Variants in CTNNA3 observed in about 807,000 individuals in gnomAD.
The protein encoded by CTNNA3 is catenin alpha 3.
In CTNNA3, 76 loss-of-function variants were observed where a neutral mutation model predicts 95.7. The observed-to-expected ratio is 0.79, with a 90% CI of 0.66 to 0.96. The LOEUF is 0.96. Among genes scored for constraint, CTNNA3 ranks in the 40% least tolerant of loss-of-function variants. CTNNA3 has a pLI of 0.00. For synonymous variants in CTNNA3, 431 were observed against 374.4 expected (o/e 1.15, Z -1.74); for missense variants, 1,191 against 1,089.8 (o/e 1.09, Z -1.31).
intron 7 of CTNNA3, among the ~76,000 whole-genome samples, chr10:66,877,813 A>G (rs1472797354): frequency 6.6e-6 from 1 of 152,152 alleles, no homozygotes; most frequent in East Asian, 1.9e-4. Context: ...ATGCAAGAAA[A>G]TGGATTCTAT....
chr10:67,173,126 C>T (rs567443017), intron 7 of CTNNA3, among the ~76,000 whole-genome samples: 13 of 152,124 alleles, frequency 8.5e-5, no homozygotes, highest in Admixed American at 2.0e-4. Flanking sequence ...TTTCATTGTT[C>T]AAGGGCTATA....
chr10:67,688,916 T>C (rs1840788186), intron 1 of CTNNA3, among the ~76,000 whole-genome samples: 1 of 152,124 alleles, frequency 6.6e-6, no homozygotes, highest in Non-Finnish European at 1.5e-5. Flanking sequence ...TCAGAAACAC[T>C]AGTTTTCCTC....
At chr10:66,389,027 A>C (rs2092915153) in intron 11 of CTNNA3, among the ~76,000 whole-genome samples, 1 of 152,174 alleles carries the variant, frequency 6.6e-6, no homozygotes, top group Non-Finnish European at 1.5e-5. Flanking sequence ...TAAGTGGCTA[A>C]AAGAACTTCA....
chr10:66,770,008 G>A (rs1840024858), intron 8 of CTNNA3, among the ~76,000 whole-genome samples: 2 of 152,130 alleles, frequency 1.3e-5, no homozygotes, highest in South Asian at 4.1e-4. Flanking sequence ...GTTTGATCAT[G>A]CACCAAGTAA....
At chr10:66,217,164 G>C (rs181970198) in intron 13 of CTNNA3, among the ~76,000 whole-genome samples, 121 of 152,164 alleles carry the variant, frequency 8.0e-4, no homozygotes, top group African/African-American at 2.9e-3. Context: ...GACCAGCCTG[G>C]CCAAGATGGT....
At chr10:67,727,372 A>G (rs1841241536) in intron 1 of CTNNA3, among the ~76,000 whole-genome samples, 1 of 133,034 alleles carries the variant, frequency 7.5e-6, no homozygotes, top group Non-Finnish European at 1.6e-5. Flanking sequence ...ATATGTATAT[A>G]TGTATGTTAC....
chr10:67,527,431 G>A (rs1241138639), intron 4 of CTNNA3, among the ~76,000 whole-genome samples: 3 of 152,120 alleles, frequency 2.0e-5, no homozygotes, highest in Non-Finnish European at 4.4e-5. Flanking sequence ...TCTTGTTTGT[G>A]TCCTAATTGA....
At chr10:67,126,627 C>T (rs1859734007) in intron 7 of CTNNA3, among the ~76,000 whole-genome samples, 1 of 152,150 alleles carries the variant, frequency 6.6e-6, no homozygotes, top group Non-Finnish European at 1.5e-5. Flanking sequence ...ATCTTCATGC[C>T]AGCACTTTCT....
intron 15 of CTNNA3, among the ~76,000 whole-genome samples, chr10:66,068,227 A>C (rs142916185): frequency 6.6e-6 from 1 of 152,170 alleles, no homozygotes; most frequent in African/African-American, 2.4e-5. Context: ...TTAATAATAT[A>C]ACCATATTCT....
At chr10:66,736,702 A>C (rs573487027) in intron 9 of CTNNA3, among the ~76,000 whole-genome samples, 1 of 152,128 alleles carries the variant, frequency 6.6e-6, no homozygotes, top group Admixed American at 6.5e-5. Flanking sequence ...ATATATATTT[A>C]CAATATATAT....
At chr10:67,281,374 C>T (rs1392131580) in intron 5 of CTNNA3, among the ~76,000 whole-genome samples, 1 of 152,096 alleles carries the variant, frequency 6.6e-6, no homozygotes, top group African/African-American at 2.4e-5. Context: ...TTTTGTTTTC[C>T]TTCTGCAGCA....
intron 10 of CTNNA3, among the ~76,000 whole-genome samples, chr10:66,522,792 A>G (rs1451518690): frequency 6.6e-6 from 1 of 151,838 alleles, no homozygotes; most frequent in Non-Finnish European, 1.5e-5. Context: ...AGTTAGCACA[A>G]GTTTATTTTT....
chr10:66,374,671 G>A (rs2092781651), intron 12 of CTNNA3, among the ~76,000 whole-genome samples: 1 of 136,392 alleles, frequency 7.3e-6, no homozygotes, highest in South Asian at 2.4e-4. Context: ...CTGGAGTGCA[G>A]TGGCAGGATC....
intron 13 of CTNNA3, among the ~76,000 whole-genome samples, chr10:66,175,642 A>G (rs1020855536): frequency 6.6e-6 from 1 of 152,114 alleles, no homozygotes; most frequent in African/African-American, 2.4e-5. Context: ...AATGGACAAG[A>G]TTTTCTGCTT....
intron 5 of CTNNA3, among the ~76,000 whole-genome samples, chr10:67,247,438 A>C (rs866719688): frequency 2.8e-4 from 43 of 152,350 alleles, no homozygotes; most frequent in Middle Eastern, 3.4e-3. Flanking sequence ...CTTAGTAAAA[A>C]AATTTAACAA....
chr10:66,181,009 C>T (rs771904336), intron 13 of CTNNA3, among the ~76,000 whole-genome samples: 7 of 151,868 alleles, frequency 4.6e-5, no homozygotes, highest in Non-Finnish European at 8.8e-5. Context: ...ATTTCTAGTC[C>T]AAGTATAAAA....
chr10:67,504,049 T>C (rs1483265927), intron 5 of CTNNA3, among the ~76,000 whole-genome samples: 28 of 148,920 alleles, frequency 1.9e-4, no homozygotes, highest in African/African-American at 5.7e-4. Flanking sequence ...CCCAGCTACT[T>C]GGGAGGCTGA....
At chr10:66,454,848 G>A (rs1400200482) in intron 11 of CTNNA3, among the ~76,000 whole-genome samples, 1 of 143,382 alleles carries the variant, frequency 7.0e-6, no homozygotes, top group East Asian at 2.2e-4. Context: ...GAAGAAAGGG[G>A]GAAAAGGCGG....
At chr10:67,145,265 C>T (rs534825459) in intron 7 of CTNNA3, among the ~76,000 whole-genome samples, 6 of 152,012 alleles carry the variant, frequency 3.9e-5, no homozygotes, top group African/African-American at 1.2e-4. Flanking sequence ...ATTGCCAAAG[C>T]GTAACACAGA....
Sources: allele counts gnomAD v4.1 joint callset (sites outside exome capture counted in the v4.1 genomes callset), GRCh38; gene constraint gnomAD v4.1.1; transcripts MANE v1.5; gene names NCBI Gene and HGNC (gene_info 2026-07-23, HGNC 2026-07-21).